The following ZC3H7A variants were observed in gnomAD, a reference collection of about 807,000 sequenced individuals.
The protein encoded by ZC3H7A is zinc finger CCCH domain-containing protein 7A.
A neutral mutation model predicts 125.5 loss-of-function variants in ZC3H7A; 44 were observed. The ratio of observed to expected loss-of-function variants is 0.35; its 90% CI spans 0.28 to 0.45. The LOEUF (loss-of-function observed/expected upper bound fraction) is 0.45, where lower values mean the gene tolerates loss of function less well. Ranked by LOEUF, ZC3H7A falls within the 20% of genes least tolerant of loss-of-function variation. The probability of loss-of-function intolerance (pLI) is 1.00; values close to 1 mark genes in which losing one functional copy is unlikely to be tolerated. For synonymous variants in ZC3H7A, 399 were observed against 391.2 expected, an observed-to-expected ratio of 1.02 and a Z score of -0.23; for missense variants, 977 against 1,170.7, an observed-to-expected ratio of 0.83 and a Z score of 2.41.
intron 3 of ZC3H7A, among the ~76,000 whole-genome samples, chr16:11,779,756 T>C (rs756065098): frequency 3.9e-5 from 6 of 152,234 alleles, no homozygotes; most frequent in Non-Finnish European, 8.8e-5. Context: ...AGTGGTTTAC[T>C]TTATAGCACC....
At chr16:11,788,329 G>C (rs1042042036) in intron 1 of ZC3H7A, among the ~76,000 whole-genome samples, 2 of 152,044 alleles carry the variant, frequency 1.3e-5, no homozygotes, top group Non-Finnish European at 2.9e-5. Context: ...TCCCATAGAG[G>C]TCCTCCCTCC....
At chr16:11,760,139 A>AAAAAAAAAAAAAAAAG (rs1555493882) in intron 19 of ZC3H7A, among the ~76,000 whole-genome samples, 3 of 149,698 alleles carry the variant, frequency 2.0e-5, no homozygotes, top group African/African-American at 4.9e-5. Context: ...AAAAAAAAAA[A>AAAAAAAAAAAAAAAAG]AAAAAAGAAA....
intron 1 of ZC3H7A, 74 bp from the exon 2 acceptor site, chr16:11,782,462 C>T (rs1441989361): frequency 7.4e-6 from 9 of 1,214,764 alleles, no homozygotes; most frequent in Non-Finnish European, 9.6e-6. Context: ...CCCACAAATC[C>T]AGACCTTGTC....
At chr16:11,751,926 CAG>C (rs1326181065) in intron 22 of ZC3H7A, among the ~76,000 whole-genome samples, 7 of 117,446 alleles carry the variant, frequency 6.0e-5, no homozygotes, top group Admixed American at 2.3e-4. Context: ...TTTTTTGAGA[CAG>C]AGTCTCACTG....
intron 1 of ZC3H7A, among the ~76,000 whole-genome samples, chr16:11,794,785 C>T (rs1056801001): frequency 6.6e-6 from 1 of 152,176 alleles, no homozygotes; most frequent in Non-Finnish European, 1.5e-5. Context: ...TTTAACCCAC[C>T]CCAACTGGCA....
intron 4 of ZC3H7A, among the ~76,000 whole-genome samples, chr16:11,777,564 A>C (rs11648251): frequency 0.087 from 13,246 of 151,664 alleles, 722 homozygotes; most frequent in Middle Eastern, 0.15. Flanking sequence ...TCTACTAAAA[A>C]TACAAAAATT....
chr16:11,782,544 G>C, intron 1 of ZC3H7A, 156 bp from the exon 2 acceptor site: 1 of 486,562 alleles, frequency 2.1e-6, no homozygotes, highest in Non-Finnish European at 3.7e-6. Flanking sequence ...CCGTACAGGA[G>C]TCATCTTTGT....
rs138852866 is a variant in ZC3H7A, at chr16:11,768,868, G to A, written c.1173+163C>T. 3.2e-3 allele frequency among the ~76,000 whole-genome samples: 481 copies of A among 152,232 alleles called. 2 individuals are homozygous for A. Among genetic ancestry groups the A allele is most frequent in the African/African-American group, 0.01 (436 of 41,540 alleles). ...TATGACAGATCAAGTCTTAAACACA[G>A]AGCCGTTATTACTAGATGTTCCAGA... On this transcript the variant is annotated intron_variant, in intron 11 of 22. Coordinates refer to ENST00000355758, the MANE Select transcript of ZC3H7A (RefSeq NM_014153.4).
chr16:11,760,122 GAAAAAAAAAAAAAAA>G (rs66812605), intron 19 of ZC3H7A, among the ~76,000 whole-genome samples: 1 of 82,532 alleles, frequency 1.2e-5, no homozygotes, highest in African/African-American at 5.4e-5. Context: ...AAGAAAAAAT[GAAAAAAAAAAAAAAA>G]AAAAAAAAGA....
At chr16:11,780,073 T>C (rs1301385326) in intron 3 of ZC3H7A, among the ~76,000 whole-genome samples, 1 of 152,050 alleles carries the variant, frequency 6.6e-6, no homozygotes, top group East Asian at 1.9e-4. Context: ...TAAAAGTTTG[T>C]CATTTTCCTT....
chr16:11,774,929 G>C, intron 8 of ZC3H7A, 51 bp downstream of exon 8: 1 of 1,582,834 alleles, frequency 6.3e-7, no homozygotes, highest in Non-Finnish European at 8.7e-7. Flanking sequence ...AAAGACATCA[G>C]GTACAAAGCT....
chr16:11,787,357 G>T (rs1367533315), intron 1 of ZC3H7A, among the ~76,000 whole-genome samples: 2 of 152,090 alleles, frequency 1.3e-5, no homozygotes, highest in Non-Finnish European at 2.9e-5. Flanking sequence ...GTTCCTTCAT[G>T]CCCCTTCCCC....
chr16:11,776,269 C>A, intron 7 of ZC3H7A, 51 bp downstream of exon 7: 1 of 1,532,222 alleles, frequency 6.5e-7, no homozygotes, highest in African/African-American at 1.4e-5. Context: ...GAATTGCTCC[C>A]ATCCTTCCCT....
rs777626587 is a variant in ZC3H7A at position 11,769,143 on chromosome 16, A to G, written c.1109-48T>C. 3.9e-6 allele frequency: 6 copies of G among 1,523,102 alleles called. No individual in the cohort carries two copies. The Admixed American group carries it at 5.8e-5, about 15-fold the overall frequency. 94.3% of individuals were successfully genotyped at this position (1,523,102 alleles called of 1,614,324 possible). A position where few individuals can be genotyped will look rare whatever the true frequency, so the allele number is the denominator to read the frequency against. On this transcript the variant is annotated intron_variant, in intron 10 of 22. Coordinates refer to ENST00000355758, the MANE Select transcript of ZC3H7A (RefSeq NM_014153.4). Reference sequence around the variant, plus strand: ...ACAGACCTTTTCATTCTGATCACGTAATAAGAACATCAGGGCTTAGTAGCT... The same window carrying G: ...ACAGACCTTTTCATTCTGATCACGTGATAAGAACATCAGGGCTTAGTAGCT...
intron 21 of ZC3H7A, among the ~76,000 whole-genome samples, chr16:11,754,449 G>A (rs2052604667): frequency 6.6e-6 from 1 of 151,716 alleles, no homozygotes; most frequent in South Asian, 2.1e-4. Flanking sequence ...GCAAGGCCAG[G>A]CCACACACAA....
At chr16:11,783,363 C>T (rs1173989961) in intron 1 of ZC3H7A, among the ~76,000 whole-genome samples, 3 of 152,106 alleles carry the variant, frequency 2.0e-5, no homozygotes, top group African/African-American at 4.8e-5. Context: ...CAACGTTCAC[C>T]GAGCAGTTCC....
chr16:11,777,025 C>A, intron 4 of ZC3H7A, 116 bp from the exon 5 acceptor site: 2 of 727,874 alleles, frequency 2.7e-6, no homozygotes, highest in Non-Finnish European at 2.0e-6. Flanking sequence ...CCTCTAAACT[C>A]CAAGTTAGCA....
At chr16:11,775,268 G>A (rs1371417229) in intron 7 of ZC3H7A, among the ~76,000 whole-genome samples, 1 of 152,014 alleles carries the variant, frequency 6.6e-6, no homozygotes, top group African/African-American at 2.4e-5. Flanking sequence ...CTACTCAGGA[G>A]GCTGAGGCAA....
intron 21 of ZC3H7A, among the ~76,000 whole-genome samples, chr16:11,755,753 T>C (rs2052634469): frequency 6.6e-6 from 1 of 152,064 alleles, no homozygotes; most frequent in Non-Finnish European, 1.5e-5. Flanking sequence ...GAAGAAAGGA[T>C]TTTTTCACAT....
Sources: allele counts gnomAD v4.1 joint callset (sites outside exome capture counted in the v4.1 genomes callset), GRCh38; gene constraint gnomAD v4.1.1; transcripts MANE v1.5; gene names NCBI Gene and HGNC (gene_info 2026-07-23, HGNC 2026-07-21).